Variants in PTBP3 observed in about 807,000 individuals in gnomAD.
PTBP3 encodes the protein polypyrimidine tract-binding protein 3.
PTBP3 carries 20 observed loss-of-function variants against 58.7 expected under a neutral mutation model. That is an observed-to-expected ratio of 0.34 (90% CI 0.24 to 0.50). PTBP3 has a LOEUF of 0.50. PTBP3 is among the 20% of genes least tolerant of loss of function. The pLI is 0.98. For synonymous variants in PTBP3, 185 were observed against 219.8 expected (o/e 0.84, Z 1.40); for missense variants, 509 against 637.2 (o/e 0.80, Z 2.17).
chr9:112,269,903 C>CATAAAACCAGTTAATT (rs1827298571), intron 3 of PTBP3, among the ~76,000 whole-genome samples: 1 of 151,226 alleles, frequency 6.6e-6, no homozygotes, highest in Admixed American at 6.6e-5. Flanking sequence ...CCAAGAACCA[C>CATAAAACCAGTTAATT]ATAAAACCAG....
At chr9:112,335,271 G>GTTTGTTTT (rs57799803), upstream of PTBP3, among the ~76,000 whole-genome samples, 1 of 150,942 alleles carries the variant, frequency 6.6e-6, no homozygotes, top group African/African-American at 2.4e-5. Context: ...TTTTTTTGTT[G>GTTTGTTTT]TTTGTTTTTT....
In PTBP3 at chr9:112,333,076, G is replaced by A. The variant is rs1830444809; in HGVS notation, c.-52+394C>T. Reference sequence around the variant, plus strand: ...CAGGAGGACGCCCGCCCCGCGCGCCGCCTCCGCCTCCCCCAGCGCCGCGCA... The same window carrying A: ...CAGGAGGACGCCCGCCCCGCGCGCCACCTCCGCCTCCCCCAGCGCCGCGCA... On this transcript the variant is annotated intron_variant, in intron 1 of 13. Transcript: ENST00000374257. 1.3e-5 allele frequency: 16 copies of A among 1,267,040 alleles called. No individual in the cohort carries two copies. The South Asian group carries it at 1.7e-4, about 14-fold the overall frequency. 78.5% of individuals were successfully genotyped at this position (1,267,040 alleles called of 1,614,324 possible).
rs79464794 is a variant in PTBP3 at position 112,232,496 on chromosome 9, C to T, written c.881-258G>A. 2.5e-4 allele frequency among the ~76,000 whole-genome samples: 38 copies of T among 152,274 alleles called. No homozygotes were observed. In the East Asian group the frequency reaches 6.6e-3, roughly 26 times the overall value. On this transcript the variant is annotated intron_variant, in intron 8 of 13. Transcript: ENST00000374257. ...GAGTAACTGAACTCACTGGGCCTAA[C>T]GCTATTAGGCTTTTCAGAGGGTCTA...
At chr9:112,354,552 C>T in the PTBP3 span, among the ~76,000 whole-genome samples, 1 of 152,240 alleles carries the variant, frequency 6.6e-6, no homozygotes. Context: ...ATAATAAGTC[C>T]TCATATTGCC....
chr9:112,377,820 C>A, the PTBP3 span, among the ~76,000 whole-genome samples: 1 of 152,218 alleles, frequency 6.6e-6, no homozygotes, highest in Admixed American at 6.5e-5. Flanking sequence ...CAGGACTTTA[C>A]ACCAGAAATC....
intron 2 of PTBP3, among the ~76,000 whole-genome samples, chr9:112,285,985 GTAAT>G (rs1828097969): frequency 6.6e-6 from 1 of 152,144 alleles, no homozygotes; most frequent in Admixed American, 6.5e-5. Context: ...TTGAAACTAG[GTAAT>G]TAGATTAAAC....
At chr9:112,250,178 C>G (rs535939547) in intron 7 of PTBP3, among the ~76,000 whole-genome samples, 1 of 151,984 alleles carries the variant, frequency 6.6e-6, no homozygotes, top group Non-Finnish European at 1.5e-5. Context: ...TACTTAAAGT[C>G]CCAATTAGCA....
At chr9:112,375,487 C>T in the PTBP3 span, among the ~76,000 whole-genome samples, 3 of 152,248 alleles carry the variant, frequency 2.0e-5, no homozygotes, top group East Asian at 3.9e-4. Flanking sequence ...ATGATGCCTG[C>T]GTATCATGCA....
chr9:112,222,267 T>A lies in PTBP3; in HGVS notation c.*1584A>T. On this transcript the variant is annotated 3_prime_UTR_variant, in exon 14 of 14. Coordinates refer to ENST00000374257, the MANE Select transcript of PTBP3 (RefSeq NM_001163788.4). ...AAGTTTCTTATTAAAAAGAAACAAT[T>A]TTACATTATACAATCACTGAAGCAA... 8.2e-6 allele frequency: 8 copies of A among 972,004 alleles called. No homozygotes were observed. Among genetic ancestry groups the A allele is most frequent in the Non-Finnish European group, 9.8e-6 (8 of 817,314 alleles). 60.2% of individuals were successfully genotyped at this position (972,004 alleles called of 1,614,324 possible).
At chr9:112,362,892 A>G in the PTBP3 span, 289,923 of 307,098 alleles carry the variant, frequency 0.94, 137,031 homozygotes, top group African/African-American at 0.99. Context: ...GGTTATAGAG[A>G]AGCAATGAAA....
chr9:112,310,466 T>G (rs1587872385), intron 1 of PTBP3, among the ~76,000 whole-genome samples: 1 of 152,230 alleles, frequency 6.6e-6, no homozygotes, highest in African/African-American at 2.4e-5. Flanking sequence ...CCCATACATA[T>G]TGAATTCAGT....
intron 1 of PTBP3, among the ~76,000 whole-genome samples, chr9:112,306,595 T>C (rs1262407675): frequency 9.6e-6 from 1 of 104,544 alleles, no homozygotes; most frequent in East Asian, 2.4e-4. Context: ...TGTATATATA[T>C]ATATATATAT....
intron 1 of PTBP3, among the ~76,000 whole-genome samples, chr9:112,330,778 A>G (rs1487732535): frequency 6.6e-6 from 1 of 152,222 alleles, no homozygotes; most frequent in Non-Finnish European, 1.5e-5. Flanking sequence ...TATTTAACAA[A>G]GCCAAACCAA....
chr9:112,349,885 A>G, the PTBP3 span, among the ~76,000 whole-genome samples: 2 of 149,576 alleles, frequency 1.3e-5, no homozygotes, highest in African/African-American at 5.0e-5. Context: ...AAAAAAAAAA[A>G]AAAAGAATTC....
At chr9:112,244,601 C>G (rs1231446232) in intron 7 of PTBP3, among the ~76,000 whole-genome samples, 1 of 151,978 alleles carries the variant, frequency 6.6e-6, no homozygotes, top group East Asian at 1.9e-4. Flanking sequence ...ACTGCCTGAG[C>G]CTGGAGGTCG....
At chr9:112,333,093 C>G (rs1453243236) in intron 1 of PTBP3, 3 of 1,274,262 alleles carry the variant, frequency 2.4e-6, no homozygotes, top group Middle Eastern at 3.0e-4. Flanking sequence ...CCTCCCCCAG[C>G]GCCGCGCACC....
At chr9:112,291,117 G>C (rs1192388867) in intron 2 of PTBP3, among the ~76,000 whole-genome samples, 1 of 152,034 alleles carries the variant, frequency 6.6e-6, no homozygotes, top group Non-Finnish European at 1.5e-5. Context: ...AGCTACTTGG[G>C]AGGCTGAGGC....
At chr9:112,276,131 C>T (rs1257873084) in intron 2 of PTBP3, 118 bp from the exon 3 acceptor site, 15 of 887,104 alleles carry the variant, frequency 1.7e-5, no homozygotes, top group Admixed American at 2.7e-5. Context: ...TTCAGGGAAA[C>T]GTGGGGCTGA....
At chr9:112,250,810 T>G in intron 7 of PTBP3, 119 bp downstream of exon 7, 1 of 1,030,624 alleles carries the variant, frequency 9.7e-7, no homozygotes, top group East Asian at 2.8e-5. Context: ...GATTCTTGCT[T>G]TCCTTTATAA....
Sources: allele counts gnomAD v4.1 joint callset (sites outside exome capture counted in the v4.1 genomes callset), GRCh38; gene constraint gnomAD v4.1.1; transcripts MANE v1.5; gene names NCBI Gene and HGNC (gene_info 2026-07-23, HGNC 2026-07-21).